Variants in KCND2 observed in about 807,000 individuals in gnomAD.
The protein encoded by KCND2 is A-type voltage-gated potassium channel KCND2.
A neutral mutation model predicts 54.4 loss-of-function variants in KCND2; 16 were observed. The observed-to-expected ratio is 0.29, with a 90% CI of 0.20 to 0.45. The LOEUF (loss-of-function observed/expected upper bound fraction) is 0.45, where lower values mean the gene tolerates loss of function less well. Among genes scored for constraint, KCND2 ranks in the 20% least tolerant of loss-of-function variants. The probability of loss-of-function intolerance (pLI) is 1.00; values close to 1 mark genes in which losing one functional copy is unlikely to be tolerated. For synonymous variants in KCND2, 317 were observed against 310.7 expected, an observed-to-expected ratio of 1.02 and a Z score of -0.21; for missense variants, 486 against 824.2, an observed-to-expected ratio of 0.59 and a Z score of 5.02.
At chr7:120,508,875 G>C (rs1239401857) in intron 1 of KCND2, among the ~76,000 whole-genome samples, 1 of 147,090 alleles carries the variant, frequency 6.8e-6, no homozygotes, top group Non-Finnish European at 1.5e-5. Context: ...TTTTAGATTG[G>C]AAGTTGCCTT....
chr7:120,393,134 C>T (rs563584944), intron 1 of KCND2, among the ~76,000 whole-genome samples: 13 of 152,046 alleles, frequency 8.6e-5, no homozygotes, highest in African/African-American at 2.4e-4. Flanking sequence ...GAATGAATGA[C>T]GTTGAGTTTG....
chr7:120,489,719 G>C (rs1209807913), intron 1 of KCND2, among the ~76,000 whole-genome samples: 2 of 152,136 alleles, frequency 1.3e-5, no homozygotes, highest in African/African-American at 2.4e-5. Flanking sequence ...ATTTCATTCA[G>C]TTAAAGAAAA....
At chr7:120,735,994 GC>G (rs1792865110) in intron 2 of KCND2, among the ~76,000 whole-genome samples, 1 of 152,012 alleles carries the variant, frequency 6.6e-6, no homozygotes, top group South Asian at 2.1e-4. Context: ...CTGGGACTGG[GC>G]TATGTGCCAA....
At chr7:120,552,800 C>A (rs963705630) in intron 1 of KCND2, among the ~76,000 whole-genome samples, 1 of 152,170 alleles carries the variant, frequency 6.6e-6, no homozygotes, top group African/African-American at 2.4e-5. Flanking sequence ...TATGCCAGGA[C>A]ACCATATTTT....
At chr7:120,312,292 G>A (rs896976285) in intron 1 of KCND2, among the ~76,000 whole-genome samples, 2 of 151,966 alleles carry the variant, frequency 1.3e-5, no homozygotes, top group Non-Finnish European at 2.9e-5. Context: ...CATTATTGAT[G>A]GGCATTTAGG....
chr7:120,401,174 A>C (rs1196845486), intron 1 of KCND2, among the ~76,000 whole-genome samples: 1 of 152,148 alleles, frequency 6.6e-6, no homozygotes, highest in African/African-American at 2.4e-5. Context: ...AGAGAAAAGC[A>C]GGGAGCAAAA....
At chr7:120,392,415 A>G (rs1801091953) in intron 1 of KCND2, among the ~76,000 whole-genome samples, 1 of 151,214 alleles carries the variant, frequency 6.6e-6, no homozygotes. Flanking sequence ...TTGATTCCAT[A>G]TAAAATTTAA....
intron 1 of KCND2, among the ~76,000 whole-genome samples, chr7:120,359,174 A>G (rs1221072997): frequency 3.3e-5 from 5 of 152,184 alleles, no homozygotes; most frequent in African/African-American, 7.2e-5. Context: ...TGAGCTCTGT[A>G]TGAAGCCTAC....
At chr7:120,577,232 GA>G (rs1792446403) in intron 1 of KCND2, among the ~76,000 whole-genome samples, 2 of 151,754 alleles carry the variant, frequency 1.3e-5, no homozygotes, top group African/African-American at 4.8e-5. Flanking sequence ...TGAGAAGAAA[GA>G]AAAAATAATA....
In KCND2 at chr7:120,615,422, A is replaced by G. The variant is rs114797348; in HGVS notation, c.1116-117481A>G. Among the ~76,000 whole-genome samples the G allele has an allele frequency of 2.7e-3, 418 of 152,332 alleles. 2 individuals carry two copies. The highest frequency in any genetic ancestry group is 9.6e-3 in the African/African-American group (398 of 41,566). ...CAATTTCACATATAAAGATTTCACT[A>G]TATAGCCCAGGAATATAATATTAAT... is the stretch of plus-strand genomic sequence containing the variant. On this transcript the variant is annotated intron_variant, in intron 1 of 5. Transcript: ENST00000331113.
chr7:120,524,177 G>C (rs1200113765), intron 1 of KCND2, among the ~76,000 whole-genome samples: 1 of 151,926 alleles, frequency 6.6e-6, no homozygotes, highest in Non-Finnish European at 1.5e-5. Flanking sequence ...GGAGGCTGCA[G>C]TGAGCCAAGA....
intron 1 of KCND2, among the ~76,000 whole-genome samples, chr7:120,481,648 G>T (rs540888745): frequency 6.6e-6 from 1 of 152,288 alleles, no homozygotes; most frequent in East Asian, 1.9e-4. Flanking sequence ...TTAGCTCATT[G>T]TCAAGGCCCA....
chr7:120,366,115 G>A (rs549416396), intron 1 of KCND2, among the ~76,000 whole-genome samples: 1 of 152,180 alleles, frequency 6.6e-6, no homozygotes, highest in Admixed American at 6.5e-5. Context: ...GCTTTATCTT[G>A]ATAGAAGAGA....
intron 1 of KCND2, among the ~76,000 whole-genome samples, chr7:120,614,095 C>T (rs1792991877): frequency 2.0e-5 from 3 of 151,790 alleles, no homozygotes; most frequent in Admixed American, 1.3e-4. Flanking sequence ...TCACTGCAAC[C>T]TCCGCCTCCT....
intron 1 of KCND2, among the ~76,000 whole-genome samples, chr7:120,617,093 T>C (rs1203030860): frequency 2.0e-5 from 3 of 152,150 alleles, no homozygotes; most frequent in Non-Finnish European, 4.4e-5. Flanking sequence ...TGCATCCAAA[T>C]TTCTAGGTGT....
Position 120,591,131 on chromosome 7 carries a change from T to G in KCND2, c.1116-141772T>G, listed in dbSNP as rs532685067. ...TTCCCAGTATATATCACCCAACATG[T>G]TCAATGTCTTTCAGTAAAGTAATGC... On this transcript the variant is annotated intron_variant, in intron 1 of 5. Coordinates refer to ENST00000331113, the MANE Select transcript of KCND2 (RefSeq NM_012281.3). 3.3e-5 allele frequency among the ~76,000 whole-genome samples: 5 copies of G among 152,308 alleles called. No homozygotes were observed. In the South Asian group the frequency reaches 1.0e-3, roughly 32 times the overall value.
rs931280204 is a variant in KCND2, at chr7:120,274,503, A to G, written c.-130A>G. On this transcript the variant is annotated 5_prime_UTR_variant, in exon 1 of 6. The change creates a new upstream start codon in the 5' untranslated region. Coordinates refer to ENST00000331113, the MANE Select transcript of KCND2 (RefSeq NM_012281.3). ...TTTACCAGGAGCCCTATCTTGGAATAAGAGTTACACCTCTGGACCACGTTT... is the reference window on the plus strand; with the variant it reads ...TTTACCAGGAGCCCTATCTTGGAATGAGAGTTACACCTCTGGACCACGTTT... The G allele has an allele frequency of 1.0e-6, 1 of 999,094 alleles. No individual in the cohort carries two copies. Among genetic ancestry groups the G allele is most frequent in the Admixed American group, 1.9e-5 (1 of 53,984 alleles). The allele number at this position is 999,094 out of a possible 1,614,324, so 61.9% of individuals were successfully genotyped here. A position where few individuals can be genotyped will look rare whatever the true frequency, so the allele number is the denominator to read the frequency against.
chr7:120,738,622 C>G (rs1792902829), intron 2 of KCND2, among the ~76,000 whole-genome samples: 1 of 151,974 alleles, frequency 6.6e-6, no homozygotes. Flanking sequence ...AAACTTTTCT[C>G]CAACTTCCAT....
chr7:120,347,324 A>T (rs534552921), intron 1 of KCND2, among the ~76,000 whole-genome samples: 177 of 152,330 alleles, frequency 1.2e-3, no homozygotes, highest in Non-Finnish European at 1.9e-3. Context: ...TAGTTATGAT[A>T]ATAAACAGGC....
Sources: allele counts gnomAD v4.1 joint callset (sites outside exome capture counted in the v4.1 genomes callset), GRCh38; gene constraint gnomAD v4.1.1; transcripts MANE v1.5; gene names NCBI Gene and HGNC (gene_info 2026-07-23, HGNC 2026-07-21).